SOX5: variants seen among roughly 807,000 people sequenced by gnomAD.
SOX5 encodes transcription factor SOX-5.
SOX5 carries 9 observed loss-of-function variants against 92.0 expected under a neutral mutation model. The ratio of observed to expected loss-of-function variants is 0.10; its 90% confidence interval spans 0.06 to 0.17. SOX5 has a LOEUF of 0.17. SOX5 is among the 10% of genes least tolerant of loss of function. The pLI, the probability that SOX5 is intolerant of heterozygous loss-of-function variation, is 1.00. For missense variants in SOX5, 642 were observed against 944.5 expected, an observed-to-expected ratio of 0.68 and a Z score of 4.20; for synonymous variants, 344 against 336.3, an observed-to-expected ratio of 1.02 and a Z score of -0.25.
intron 5 of SOX5, among the ~76,000 whole-genome samples, chr12:23,737,825 A>G (rs534621948): frequency 6.6e-6 from 1 of 152,292 alleles, no homozygotes; most frequent in East Asian, 1.9e-4. Flanking sequence ...CTGCCTAGAC[A>G]GCCCCATGGC....
intron 4 of SOX5, among the ~76,000 whole-genome samples, chr12:23,963,519 G>C (rs1280379869): frequency 1.3e-5 from 2 of 152,024 alleles, no homozygotes; most frequent in African/African-American, 4.8e-5. Flanking sequence ...TTCCATATAG[G>C]AGCAAAATTC....
intron 2 of SOX5, among the ~76,000 whole-genome samples, chr12:24,359,593 CTG>C (rs1206204684): frequency 6.6e-6 from 1 of 152,240 alleles, no homozygotes; most frequent in Non-Finnish European, 1.5e-5. Flanking sequence ...ACTCCAAAAA[CTG>C]TACTCTTTCT....
chr12:24,203,442 G>T (rs890612244), intron 4 of SOX5, among the ~76,000 whole-genome samples: 12 of 152,178 alleles, frequency 7.9e-5, no homozygotes, highest in Admixed American at 1.3e-4. Context: ...CACCACTGGG[G>T]TGTTAATGCT....
chr12:23,559,799 G>A (rs1250000185), intron 11 of SOX5, among the ~76,000 whole-genome samples: 1 of 152,132 alleles, frequency 6.6e-6, no homozygotes, highest in Non-Finnish European at 1.5e-5. Context: ...GCACCCGGCT[G>A]AACTTCTTTT....
At chr12:24,200,026 A>G (rs966758821) in intron 4 of SOX5, among the ~76,000 whole-genome samples, 1 of 152,074 alleles carries the variant, frequency 6.6e-6, no homozygotes, top group Non-Finnish European at 1.5e-5. Flanking sequence ...AAACTGGGGG[A>G]AAAATATCAA....
chr12:24,079,898 C>T (rs2137582364), intron 4 of SOX5, among the ~76,000 whole-genome samples: 1 of 151,990 alleles, frequency 6.6e-6, no homozygotes, highest in East Asian at 1.9e-4. Flanking sequence ...CATTAACATC[C>T]TCATAATTCT....
chr12:24,254,020 C>G (rs1054692900), intron 3 of SOX5, among the ~76,000 whole-genome samples: 2 of 152,138 alleles, frequency 1.3e-5, no homozygotes, highest in African/African-American at 4.8e-5. Context: ...GGGCTTAGAA[C>G]AGTTCCTGAC....
chr12:23,970,187 T>G (rs1481859586), intron 4 of SOX5, among the ~76,000 whole-genome samples: 1 of 151,848 alleles, frequency 6.6e-6, no homozygotes, highest in Non-Finnish European at 1.5e-5. Flanking sequence ...AATGACTCCT[T>G]CCCTCTTCAC....
chr12:24,493,290 G>A (rs1947277741), intron 1 of SOX5, among the ~76,000 whole-genome samples: 3 of 152,062 alleles, frequency 2.0e-5, no homozygotes, highest in African/African-American at 7.2e-5. Context: ...CAAGATCACT[G>A]AAAACAAGCA....
At chr12:24,282,551 C>T (rs991726281) in intron 2 of SOX5, among the ~76,000 whole-genome samples, 3 of 151,544 alleles carry the variant, frequency 2.0e-5, no homozygotes, top group African/African-American at 2.4e-5. Context: ...AAAGGTGTTG[C>T]CCAATTTGAA....
At chr12:24,037,929 G>C (rs1039230) in intron 4 of SOX5, among the ~76,000 whole-genome samples, 141,966 of 152,108 alleles carry the variant, frequency 0.93, 66,996 homozygotes, top group South Asian at 1. Flanking sequence ...GATAGTAACC[G>C]AAACTTGACA....
chr12:23,834,501 A>G (rs1250696538), intron 3 of SOX5, among the ~76,000 whole-genome samples: 2 of 151,926 alleles, frequency 1.3e-5, no homozygotes, highest in Non-Finnish European at 2.9e-5. Flanking sequence ...TGAAGATTAC[A>G]TGAAACAGCC....
intron 2 of SOX5, among the ~76,000 whole-genome samples, chr12:24,287,873 A>C (rs1946097746): frequency 6.6e-6 from 1 of 152,072 alleles, no homozygotes; most frequent in Non-Finnish European, 1.5e-5. Flanking sequence ...ATGCAGCAGG[A>C]AACAGGCAAG....
At position 24,000,468 on chromosome 12, in the gene SOX5, A is replaced by G. The variant is rs567278560; in HGVS notation, c.-1-104444T>C. On this transcript the variant is annotated intron_variant, in intron 4 of 4. Coordinates refer to the SOX5 transcript ENST00000446891. Reference sequence around the variant, plus strand: ...AAAGTCTCTATATTTTAAAAAAATTAGGTTAGTATCCAACTGATCTACATT... The same window carrying G: ...AAAGTCTCTATATTTTAAAAAAATTGGGTTAGTATCCAACTGATCTACATT... Among the ~76,000 whole-genome samples the G allele has an allele frequency of 7.9e-5, 12 of 152,182 alleles. No individual in the cohort carries two copies. The East Asian group carries it at 1.7e-3, about 22-fold the overall frequency.
intron 6 of SOX5, among the ~76,000 whole-genome samples, chr12:23,681,604 G>A (rs2086638110): frequency 6.6e-6 from 1 of 151,664 alleles, no homozygotes; most frequent in South Asian, 2.1e-4. Context: ...ATGTATATTA[G>A]AATTAGACAA....
intron 11 of SOX5, among the ~76,000 whole-genome samples, chr12:23,557,820 A>C (rs1341433257): frequency 2.0e-5 from 3 of 151,978 alleles, no homozygotes; most frequent in Admixed American, 1.3e-4. Context: ...CTGAAAATAC[A>C]AAAAAATTAG....
chr12:23,905,847 C>A (rs1394792731), intron 1 of SOX5, among the ~76,000 whole-genome samples: 1 of 152,074 alleles, frequency 6.6e-6, no homozygotes, highest in Non-Finnish European at 1.5e-5. Context: ...TAAGCACGTT[C>A]TACTAAAAAT....
intron 1 of SOX5, among the ~76,000 whole-genome samples, chr12:24,382,617 T>C (rs1453919594): frequency 6.6e-6 from 1 of 152,088 alleles, no homozygotes; most frequent in Non-Finnish European, 1.5e-5. Flanking sequence ...CTGGCCACGA[T>C]TTGTGAGAAG....
At chr12:24,051,854 G>A (rs931531872) in intron 4 of SOX5, among the ~76,000 whole-genome samples, 1 of 152,140 alleles carries the variant, frequency 6.6e-6, no homozygotes, top group African/African-American at 2.4e-5. Flanking sequence ...TCTCTTCTTA[G>A]TAATCTGTTA....
Sources: gnomAD v4.1 joint callset for allele counts (sites outside exome capture counted in the v4.1 genomes callset) on GRCh38, gnomAD v4.1.1 for gene constraint, MANE v1.5 for transcripts, NCBI Gene and HGNC (gene_info 2026-07-23, HGNC 2026-07-21) for gene names.